Variants in SORCS1 observed in about 807,000 individuals in gnomAD.
SORCS1 encodes sortilin related VPS10 domain containing receptor 1, also known as VPS10 domain-containing receptor SorCS1.
In SORCS1, 60 loss-of-function variants were observed where a neutral mutation model predicts 146.1. The ratio of observed to expected loss-of-function variants is 0.41; its 90% CI spans 0.33 to 0.51. SORCS1 has a LOEUF of 0.51. Ranked by LOEUF, SORCS1 falls within the 20% of genes least tolerant of loss-of-function variation. SORCS1 has a pLI of 0.21. For missense variants in SORCS1, 1,352 were observed against 1,487.6 expected (o/e 0.91, Z 1.50); for synonymous variants, 637 against 584.0 (o/e 1.09, Z -1.31).
Position 107,025,856 on chromosome 10 carries a change from C to T in SORCS1, c.559-69276G>A, listed in dbSNP as rs575096387. ...CAACGGCAGTCAGCAAGCGTGAGAGCCCACAAGTGGGAGGACCAGCAAAGG... is the reference window on the plus strand; with the variant it reads ...CAACGGCAGTCAGCAAGCGTGAGAGTCCACAAGTGGGAGGACCAGCAAAGG... On this transcript the variant is annotated intron_variant, in intron 1 of 25. Coordinates refer to ENST00000263054, the MANE Select transcript of SORCS1 (RefSeq NM_052918.5). Among the ~76,000 whole-genome samples the T allele has an allele frequency of 2.5e-4, 38 of 152,262 alleles. 1 individual carries two copies. Among genetic ancestry groups the T allele is most frequent in the Admixed American group, 2.4e-3 (37 of 15,302 alleles).
At chr10:107,063,995 C>T (rs1961496507) in intron 1 of SORCS1, among the ~76,000 whole-genome samples, 1 of 152,164 alleles carries the variant, frequency 6.6e-6, no homozygotes, top group Admixed American at 6.5e-5. Flanking sequence ...TTCTAGGCCT[C>T]ATTGAGTCGA....
intron 6 of SORCS1, among the ~76,000 whole-genome samples, chr10:106,718,645 T>G (rs753496406): frequency 6.6e-6 from 1 of 152,244 alleles, no homozygotes; most frequent in East Asian, 1.9e-4. Context: ...TTGCCACTGC[T>G]GGCTGGGGTG....
chr10:106,683,577 A>G (rs149915414), intron 10 of SORCS1, among the ~76,000 whole-genome samples: 2,409 of 152,338 alleles, frequency 0.016, 38 homozygotes, highest in Non-Finnish European at 0.025. Flanking sequence ...TAATAAATCA[A>G]CTTTAAAAGC....
At chr10:106,836,466 C>T (rs949572847) in intron 2 of SORCS1, among the ~76,000 whole-genome samples, 1 of 130,386 alleles carries the variant, frequency 7.7e-6, no homozygotes. Flanking sequence ...TAGAGCGAGA[C>T]TCGGTCTCAA....
chr10:107,107,363 G>C (rs1431049894), intron 1 of SORCS1, among the ~76,000 whole-genome samples: 1 of 152,194 alleles, frequency 6.6e-6, no homozygotes, highest in Non-Finnish European at 1.5e-5. Flanking sequence ...CATATTACTA[G>C]ACAGTGGAGG....
intron 23 of SORCS1, among the ~76,000 whole-genome samples, chr10:106,599,431 G>T (rs971782404): frequency 6.6e-6 from 1 of 151,810 alleles, no homozygotes; most frequent in African/African-American, 2.4e-5. Flanking sequence ...GAGAAGTGGA[G>T]AAGTGGATTT....
At chr10:107,025,644 G>A (rs1958367949) in intron 1 of SORCS1, among the ~76,000 whole-genome samples, 2 of 152,076 alleles carry the variant, frequency 1.3e-5, no homozygotes, top group Admixed American at 6.6e-5. Flanking sequence ...CTGTTTCAAG[G>A]GTACTCCAAA....
intron 5 of SORCS1, among the ~76,000 whole-genome samples, chr10:106,737,055 A>ATGTGAGTGTGTG (rs143545364): frequency 1.3e-5 from 2 of 150,858 alleles, no homozygotes; most frequent in Non-Finnish European, 3.0e-5. Context: ...GTGTGTGTGC[A>ATGTGAGTGTGTG]TGTGAGTGTG....
chr10:106,743,917 T>C (rs1418848268), intron 5 of SORCS1, among the ~76,000 whole-genome samples: 1 of 152,188 alleles, frequency 6.6e-6, no homozygotes, highest in Non-Finnish European at 1.5e-5. Context: ...CCTTCAGTAC[T>C]TTTTCAGTGT....
At chr10:106,910,553 C>A (rs912551721) in intron 2 of SORCS1, among the ~76,000 whole-genome samples, 2 of 152,104 alleles carry the variant, frequency 1.3e-5, no homozygotes, top group Non-Finnish European at 2.9e-5. Flanking sequence ...CCAGACAGAT[C>A]ATTACCAATG....
At chr10:106,905,768 G>C (rs1259464140) in intron 2 of SORCS1, among the ~76,000 whole-genome samples, 4 of 152,158 alleles carry the variant, frequency 2.6e-5, no homozygotes, top group African/African-American at 9.7e-5. Flanking sequence ...TTACACAAGT[G>C]TGCCTGTATG....
At chr10:106,796,660 G>C (rs965076033) in intron 3 of SORCS1, among the ~76,000 whole-genome samples, 4 of 152,086 alleles carry the variant, frequency 2.6e-5, no homozygotes, top group Non-Finnish European at 5.9e-5. Context: ...AGGGACAGTT[G>C]GGGGTGGGGA....
chr10:106,663,222 C>G (rs539853021), intron 17 of SORCS1, among the ~76,000 whole-genome samples: 2 of 152,000 alleles, frequency 1.3e-5, no homozygotes, highest in African/African-American at 4.8e-5. Context: ...CTTATATACT[C>G]TGGCTTAGAA....
At chr10:106,863,628 C>A (rs1950109773) in intron 2 of SORCS1, among the ~76,000 whole-genome samples, 1 of 141,940 alleles carries the variant, frequency 7.0e-6, no homozygotes, top group South Asian at 2.3e-4. Context: ...AGTCACTGAT[C>A]TCTATTCCTC....
chr10:106,619,951 G>A (rs569069320), intron 20 of SORCS1, among the ~76,000 whole-genome samples: 6 of 152,248 alleles, frequency 3.9e-5, no homozygotes, highest in African/African-American at 7.2e-5. Context: ...TATTGCTTGC[G>A]CCTGTCCAGT....
At chr10:106,934,130 T>G (rs12775710) in intron 2 of SORCS1, among the ~76,000 whole-genome samples, 9,156 of 151,108 alleles carry the variant, frequency 0.061, 382 homozygotes, top group Admixed American at 0.12. Context: ...AAAGAAAATT[T>G]CAAAAGTGAA....
chr10:106,832,796 T>C (rs1415978061), intron 2 of SORCS1, among the ~76,000 whole-genome samples: 1 of 152,072 alleles, frequency 6.6e-6, no homozygotes, highest in Non-Finnish European at 1.5e-5. Context: ...AGAAAATGGT[T>C]CAATTTTCCT....
Position 106,798,749 on chromosome 10 carries a change from C to T in SORCS1, c.727-22057G>A, listed in dbSNP as rs189509204. Among the ~76,000 whole-genome samples the T allele has an allele frequency of 3.0e-3, 453 of 152,252 alleles. 2 individuals are homozygous for T. Among genetic ancestry groups the T allele is most frequent in the African/African-American group, 0.011 (438 of 41,542 alleles). ...TGTGAATAGTGCCGCAATAAACATA[C>T]GTATGCATGTGTCTTTACAGCAGCA... On this transcript the variant is annotated intron_variant, in intron 3 of 25. Transcript: ENST00000263054.
Position 107,035,274 on chromosome 10 carries a change from AAC to A in SORCS1, c.559-78696_559-78695del, listed in dbSNP as rs1479590836. On this transcript the variant is annotated intron_variant, in intron 1 of 25. Transcript: ENST00000263054. ...TCCAGTGAAGCTTCAAAAAAAAAAA[AAC>A]AACAAAAAAAAAAACACAGAAAAAC... 5.4e-4 allele frequency among the ~76,000 whole-genome samples: 77 copies of A among 143,340 alleles called. 3 individuals are homozygous for A. Among genetic ancestry groups the A allele is most frequent in the East Asian group, 1.8e-3 (9 of 5,044 alleles). 94.0% of individuals were successfully genotyped at this position (143,340 alleles called of 152,430 possible). A position where few individuals can be genotyped will look rare whatever the true frequency, so the allele number is the denominator to read the frequency against.
Sources: gnomAD v4.1 joint callset for allele counts (sites outside exome capture counted in the v4.1 genomes callset) on GRCh38, gnomAD v4.1.1 for gene constraint, MANE v1.5 for transcripts, NCBI Gene and HGNC (gene_info 2026-07-23, HGNC 2026-07-21) for gene names.